Variants in ITSN1 observed in about 807,000 individuals in gnomAD.
ITSN1 encodes intersectin 1, also known as intersectin-1.
In ITSN1, 58 loss-of-function variants were observed where a neutral mutation model predicts 239.8. The observed-to-expected ratio is 0.24, with a 90% CI of 0.20 to 0.30. The LOEUF is 0.30. ITSN1 is among the 10% of genes least tolerant of loss of function. The pLI, the probability that ITSN1 is intolerant of heterozygous loss-of-function variation, is 1.00. For synonymous variants in ITSN1, 780 were observed against 770.8 expected (o/e 1.01, Z -0.20); for missense variants, 1,558 against 2,103.3 (o/e 0.74, Z 5.07).
Position 33,770,452 on chromosome 21 carries a change from G to A in ITSN1, c.1043-1609G>A, listed in dbSNP as rs145673967. Among the ~76,000 whole-genome samples the A allele has an allele frequency of 6.6e-5, 10 of 152,208 alleles. No homozygotes were observed. The South Asian group carries it at 1.0e-3, about 16-fold the overall frequency. On this transcript the variant is annotated intron_variant, in intron 11 of 39. Transcript: ENST00000381318. ...TTAAACATATGGATTTTGGTGAGGC[G>A]ACACAAACATTCAGTTCCTAACAAT...
At chr21:33,738,576 A>G (rs2066645807) in intron 5 of ITSN1, among the ~76,000 whole-genome samples, 1 of 151,968 alleles carries the variant, frequency 6.6e-6, no homozygotes, top group South Asian at 2.1e-4. Flanking sequence ...TAATTTTTCT[A>G]TTTTTAGTAG....
intron 33 of ITSN1, among the ~76,000 whole-genome samples, chr21:33,874,949 G>A (rs1983468541): frequency 6.6e-6 from 1 of 152,116 alleles, no homozygotes; most frequent in African/African-American, 2.4e-5. Flanking sequence ...GCCCGGCCAA[G>A]GGTAAATATT....
intron 17 of ITSN1, among the ~76,000 whole-genome samples, chr21:33,796,066 C>T (rs953952525): frequency 1.3e-5 from 2 of 151,782 alleles, no homozygotes; most frequent in African/African-American, 4.8e-5. Context: ...CAGGTTCAAC[C>T]GACTCTCCTG....
chr21:33,757,371 A>G (rs1027548950), intron 8 of ITSN1, among the ~76,000 whole-genome samples: 1 of 152,176 alleles, frequency 6.6e-6, no homozygotes, highest in African/African-American at 2.4e-5. Flanking sequence ...AAAATTTGAA[A>G]TATACTGGAA....
rs186276586 is a variant in ITSN1 at position 33,880,163 on chromosome 21, G to A, written c.4342-2080G>A. 1.1e-4 allele frequency among the ~76,000 whole-genome samples: 17 copies of A among 152,320 alleles called. No homozygotes were observed. In the East Asian group the frequency reaches 2.5e-3, roughly 22 times the overall value. ...CCTAGGATCACGGTGTGGACCATGC[G>A]TGGCCCAGGTCTGGACACACACCAG... On this transcript the variant is annotated intron_variant, in intron 34 of 39. Coordinates refer to ENST00000381318, the MANE Select transcript of ITSN1 (RefSeq NM_003024.3).
chr21:33,849,768 G>A (rs2075100996), intron 29 of ITSN1, among the ~76,000 whole-genome samples: 2 of 152,086 alleles, frequency 1.3e-5, no homozygotes, highest in South Asian at 4.2e-4. Context: ...TAGCTCAGGT[G>A]CGCCATAAAT....
intron 1 of ITSN1, among the ~76,000 whole-genome samples, chr21:33,675,523 C>T (rs1012536696): frequency 1.3e-5 from 2 of 152,046 alleles, no homozygotes; most frequent in African/African-American, 4.8e-5. Flanking sequence ...GCCGAGGTTG[C>T]GCCACTGCAC....
chr21:33,878,349 G>A (rs1984353489), intron 34 of ITSN1, among the ~76,000 whole-genome samples: 4 of 151,994 alleles, frequency 2.6e-5, no homozygotes, highest in African/African-American at 7.3e-5. Flanking sequence ...CTCTCATTTG[G>A]TTTCTAATTT....
intron 33 of ITSN1, among the ~76,000 whole-genome samples, chr21:33,873,779 G>A (rs1569328608): frequency 6.6e-6 from 1 of 152,254 alleles, no homozygotes; most frequent in Non-Finnish European, 1.5e-5. Flanking sequence ...AGCTGTGGCA[G>A]GAGGATTGCT....
intron 27 of ITSN1, among the ~76,000 whole-genome samples, chr21:33,833,081 A>T (rs900525369): frequency 6.6e-6 from 1 of 151,884 alleles, no homozygotes; most frequent in African/African-American, 2.4e-5. Context: ...TGGTGTACAG[A>T]AGGGTAGTCA....
At chr21:33,783,976 G>A (rs752201524) in intron 16 of ITSN1, among the ~76,000 whole-genome samples, 59 of 152,246 alleles carry the variant, frequency 3.9e-4, no homozygotes, top group Non-Finnish European at 5.9e-4. Flanking sequence ...TTAATATGTG[G>A]CGAGTCACCC....
In ITSN1 at chr21:33,777,881, G is replaced by C. The variant is rs561664478; in HGVS notation, c.1596+2773G>C. Among the ~76,000 whole-genome samples, 9 of 152,268 alleles carry C rather than the reference G, an allele frequency of 5.9e-5. No individual in the cohort carries two copies. In the South Asian group the frequency reaches 1.9e-3, roughly 32 times the overall value. On this transcript the variant is annotated intron_variant, in intron 14 of 39. Transcript: ENST00000381318. ...AAGAGCCTTGTTCCCTCTCGATGAAGGAAAGCTCTCTCACCATAGAGTATA... is the reference window on the plus strand; with the variant it reads ...AAGAGCCTTGTTCCCTCTCGATGAACGAAAGCTCTCTCACCATAGAGTATA...
At chr21:33,646,367 T>G (rs1357903257) in intron 1 of ITSN1, among the ~76,000 whole-genome samples, 1 of 152,234 alleles carries the variant, frequency 6.6e-6, no homozygotes, top group Admixed American at 6.5e-5. Flanking sequence ...TTTGGTATAT[T>G]GTCTTATATC....
intron 33 of ITSN1, among the ~76,000 whole-genome samples, chr21:33,873,688 T>C (rs1208221138): frequency 6.6e-6 from 1 of 151,724 alleles, no homozygotes; most frequent in Non-Finnish European, 1.5e-5. Flanking sequence ...CTGGCCAACA[T>C]GGCGAGACCC....
At chr21:33,855,021 G>A (rs908109207) in intron 29 of ITSN1, among the ~76,000 whole-genome samples, 5 of 152,256 alleles carry the variant, frequency 3.3e-5, no homozygotes, top group South Asian at 4.1e-4. Flanking sequence ...ACCACAACCC[G>A]AGAGTTAACC....
intron 1 of ITSN1, among the ~76,000 whole-genome samples, chr21:33,700,406 A>T (rs1445680773): frequency 6.6e-6 from 1 of 151,972 alleles, no homozygotes; most frequent in African/African-American, 2.4e-5. Context: ...AAATATGAAG[A>T]TGAAGAGGTC....
intron 6 of ITSN1, among the ~76,000 whole-genome samples, chr21:33,751,438 C>T (rs1243763456): frequency 1.3e-5 from 2 of 152,192 alleles, no homozygotes; most frequent in African/African-American, 2.4e-5. Context: ...TTGGCTCTTA[C>T]ATCTGGAACT....
chr21:33,736,172 T>C (rs1276795660), intron 5 of ITSN1, among the ~76,000 whole-genome samples: 1 of 152,206 alleles, frequency 6.6e-6, no homozygotes, highest in Non-Finnish European at 1.5e-5. Flanking sequence ...GGAGGTTCTT[T>C]AACAGTTTAA....
intron 29 of ITSN1, chr21:33,836,920 AT>A: frequency 7.2e-7 from 1 of 1,394,298 alleles, no homozygotes. Context: ...TGCCTGACTC[AT>A]TTTCCTAGCT....
Sources: allele counts gnomAD v4.1 joint callset (sites outside exome capture counted in the v4.1 genomes callset), GRCh38; gene constraint gnomAD v4.1.1; transcripts MANE v1.5; gene names NCBI Gene and HGNC (gene_info 2026-07-23, HGNC 2026-07-21).